The following KRT85 variants were observed in gnomAD, a reference collection of about 807,000 sequenced individuals.
KRT85 encodes the protein keratin, type II cuticular Hb5.
A neutral mutation model predicts 53.7 loss-of-function variants in KRT85; 39 were observed. The ratio of observed to expected loss-of-function variants is 0.73; its 90% CI spans 0.56 to 0.95. The LOEUF (loss-of-function observed/expected upper bound fraction) is 0.95. Among genes scored for constraint, KRT85 ranks in the 40% least tolerant of loss-of-function variants. The pLI, the probability that KRT85 is intolerant of heterozygous loss-of-function variation, is 0.00. For synonymous variants in KRT85, 291 were observed against 277.5 expected, an observed-to-expected ratio of 1.05 and a Z score of -0.48; for missense variants, 668 against 686.0, an observed-to-expected ratio of 0.97 and a Z score of 0.29.
chr12:52,365,913 G>A (rs756782772), intron 1 of KRT85, among the ~76,000 whole-genome samples: 6 of 152,114 alleles, frequency 3.9e-5, no homozygotes, highest in Admixed American at 6.5e-5. Context: ...AAGTGGAGAC[G>A]CTGATACCCA....
chr12:52,363,916 A>G, intron 4 of KRT85, 152 bp downstream of exon 4: 1 of 741,762 alleles, frequency 1.3e-6, no homozygotes, highest in Non-Finnish European at 2.4e-6. Context: ...TGGCCTCTGT[A>G]TTGTGGGCCC....
chr12:52,367,369 C>G lies in KRT85; in HGVS notation c.37G>C (p.Gly13Arg), dbSNP rs140664015. ...CAGGAGCTGAAGTTCCTGGTGACCC[C>G]GCATCCTGAGCTGATCCTGTAGGAG... ...CRSYRISSGC[G>R]VTRNFSSCSA... The change falls in exon 1 of 9, where the codon GGG (glycine) becomes CGG (arginine). Residue 13 changes from glycine (G) to arginine (R), a missense_variant. Around this residue, in one of 3 missense-constraint regions of KRT85, gnomAD observed 158 missense variants for 141.8 expected, o/e 1.11. Coordinates refer to ENST00000257901, the MANE Select transcript of KRT85 (RefSeq NM_002283.4). 727 of 1,614,098 alleles carry G rather than the reference C, an allele frequency of 4.5e-4. 8 individuals carry two copies. The highest frequency in any genetic ancestry group is 3.7e-3 in the South Asian group (338 of 91,078).
chr12:52,362,843 A>T lies in KRT85; in HGVS notation c.1077+11T>A, dbSNP rs2121400745. 6.2e-7 allele frequency: 1 copy of T among 1,614,056 alleles called. No individual in the cohort carries two copies. Among genetic ancestry groups the T allele is most frequent in the South Asian group, 1.1e-5 (1 of 91,058 alleles). ...CCTGTGCTGCGTATTTGAATCCTCC[A>T]CAGACCCCACCTGGCACTTGGCATT... On this transcript the variant is annotated intron_variant, in intron 6 of 8. Coordinates refer to ENST00000257901, the MANE Select transcript of KRT85 (RefSeq NM_002283.4).
chr12:52,363,200 C>T, intron 5 of KRT85, 46 bp downstream of exon 5: 1 of 1,611,632 alleles, frequency 6.2e-7, no homozygotes, highest in Non-Finnish European at 8.5e-7. Flanking sequence ...TGCCTAACTT[C>T]CCTCCCACTG....
intron 5 of KRT85, 105 bp downstream of exon 5, chr12:52,363,139 ACT>A (rs1939219354): frequency 6.4e-7 from 1 of 1,555,968 alleles, no homozygotes; most frequent in Non-Finnish European, 8.8e-7. Flanking sequence ...CTTTTCTCAT[ACT>A]GTCCTCATGG....
Position 52,363,263 on chromosome 12 carries a change from A to C in KRT85, c.934T>G (p.Ser312Ala), listed in dbSNP as rs1325417389. ...CCACTCACCTTGCTACGGTACCAGG[A>C]CTCAGCCTCGGCCCGGCTGCGGCTG... The part of the protein sequence containing the change: ...VASRSRAEAE[S>A]WYRSKCEEMK... Residue 312 changes from serine to alanine, a missense_variant, in exon 5 of 9, where the codon TCC (serine) becomes GCC (alanine). Physicochemically the swap from Ser to Ala is moderately conservative, Grantham distance 99. Transcript: ENST00000257901. 1 of 1,614,018 alleles carries C rather than the reference A, an allele frequency of 6.2e-7. No homozygotes were observed. Among genetic ancestry groups the C allele is most frequent in the Non-Finnish European group, 8.5e-7 (1 of 1,180,002 alleles).
chr12:52,361,383 C>CCAT, intron 8 of KRT85, 84 bp downstream of exon 8: 1 of 1,277,748 alleles, frequency 7.8e-7, no homozygotes, highest in Non-Finnish European at 1.1e-6. Flanking sequence ...GGGGAACACT[C>CCAT]GAGGCTCCAT....
chr12:52,363,532 C>T, intron 4 of KRT85, 122 bp from the exon 5 acceptor site: 1 of 1,011,404 alleles, frequency 9.9e-7, no homozygotes, highest in Non-Finnish European at 1.5e-6. Context: ...ATGACTCCTG[C>T]TCCTACCACC....
chr12:52,363,015 G>A (rs199836290), intron 5 of KRT85, 36 bp from the exon 6 acceptor site: 17 of 1,613,944 alleles, frequency 1.1e-5, no homozygotes, highest in African/African-American at 1.3e-5. Context: ...GGCTCAGGGT[G>A]GGGCCCCCCA....
At chr12:52,365,336 T>C (rs1043241878) in intron 1 of KRT85, among the ~76,000 whole-genome samples, 166 bp from the exon 2 acceptor site, 1 of 152,018 alleles carries the variant, frequency 6.6e-6, no homozygotes, top group African/African-American at 2.4e-5. Context: ...CAGTTGTGGG[T>C]GTGAGGGAAA....
chr12:52,364,440 C>A (rs1939242423), intron 2 of KRT85, 74 bp from the exon 3 acceptor site: 2 of 1,613,324 alleles, frequency 1.2e-6, no homozygotes, highest in South Asian at 1.1e-5. Flanking sequence ...TGGGCAAGTT[C>A]TTCCGGGGAT....
At position 52,367,089 on chromosome 12, in the gene KRT85, G is replaced by C; in HGVS notation, c.317C>G (p.Thr106Arg). Residue 106 changes from threonine to arginine, a missense_variant, in exon 1 of 9, where the codon ACG becomes AGG. Physicochemically the swap from Thr to Arg is moderately conservative, Grantham distance 71. This residue lies in a region of KRT85 where 22 missense variants were observed against 46.0 expected (regional missense o/e 0.48). Coordinates refer to ENST00000257901, the MANE Select transcript of KRT85 (RefSeq NM_002283.4). ...GGGGTCGATCTCCAGGTTGAGGGGC[G>C]TGAGGAGGCTCTCGTTGACCGACAC... ...TTVSVNESLL[T>R]PLNLEIDPNA... is the part of the protein sequence containing the mutation. 12 of 1,613,446 alleles carry C rather than the reference G, an allele frequency of 7.4e-6. No homozygotes were observed. Among genetic ancestry groups the C allele is most frequent in the Non-Finnish European group, 1.0e-5 (12 of 1,179,932 alleles).
Position 52,363,332 on chromosome 12 carries a change from C to T in KRT85, c.865G>A (p.Asp289Asn). The change falls in exon 5 of 9, where the codon GAC becomes AAC. Residue 289 changes from aspartate (D) to asparagine (N), a missense_variant. Physicochemically the swap from Asp to Asn is conservative, Grantham distance 23. Around this residue, in one of 3 missense-constraint regions of KRT85, gnomAD observed 488 missense variants for 498.1 expected, o/e 0.98. Transcript: ENST00000257901. The stretch of plus-strand genomic sequence containing the variant: ...GCCTTGATCTCAGCGATGATGCAGT[C>T]CATGTTCAGGTCTCGGCTGTTGTCC... ...KMDNSRDLNMDCIIAEIKAQY... is the reference protein window; with the variant it reads ...KMDNSRDLNMNCIIAEIKAQY... The T allele has an allele frequency of 6.2e-7, 1 of 1,614,180 alleles. No individual in the cohort carries two copies. Among genetic ancestry groups the T allele is most frequent in the Non-Finnish European group, 8.5e-7 (1 of 1,180,028 alleles).
At position 52,363,932 on chromosome 12, in the gene KRT85, C is replaced by A. The variant is rs1051581580; in HGVS notation, c.786+136G>T. 1.0e-5 allele frequency: 8 copies of A among 785,202 alleles called. No homozygotes were observed. The African/African-American group carries it at 1.2e-4, about 12-fold the overall frequency. The allele number at this position is 785,202 out of a possible 1,614,324, so 48.6% of individuals were successfully genotyped here. On this transcript the variant is annotated intron_variant, in intron 4 of 8. Coordinates refer to ENST00000257901, the MANE Select transcript of KRT85 (RefSeq NM_002283.4). ...GGCCTCTGTATTGTGGGCCCCAGCA[C>A]GTATGTGCAAGCTCTTTTCACACTT... is the stretch of plus-strand genomic sequence containing the variant.
At position 52,360,305 on chromosome 12, in the gene KRT85, G is replaced by A. The variant is rs374010832; in HGVS notation, c.*548C>T. 1 of 176,502 alleles carries A rather than the reference G, an allele frequency of 5.7e-6. No individual in the cohort carries two copies. The highest frequency in any genetic ancestry group is 2.4e-5 in the African/African-American group (1 of 41,840). 10.9% of individuals were successfully genotyped at this position (176,502 alleles called of 1,614,324 possible). On this transcript the variant is annotated 3_prime_UTR_variant, in exon 9 of 9. Coordinates refer to ENST00000257901, the MANE Select transcript of KRT85 (RefSeq NM_002283.4). ...TCTCAACTGCGAGGTCACATGAGGA[G>A]CCTGGCTGGAACAGGTTAGCCCAGA...
Position 52,362,924 on chromosome 12 carries a change from T to C in KRT85, c.1007A>G (p.Lys336Arg). The C allele has an allele frequency of 6.2e-7, 1 of 1,614,126 alleles. No homozygotes were observed. The highest frequency in any genetic ancestry group is 8.5e-7 in the Non-Finnish European group (1 of 1,180,010). ...GCGGTTCAGCTCGTTGATCTCCTCC[T>C]TGGTGCGGCGCAGGGTCTCCCCATG... ...IRHGETLRRT[K>R]EEINELNRMI... is the part of the protein sequence containing the mutation. The change falls in exon 6 of 9, where the codon AAG (lysine) becomes AGG (arginine). Residue 336 changes from lysine to arginine, a missense_variant. Physicochemically the swap from Lys to Arg is conservative, Grantham distance 26 (BLOSUM62 2). Around this residue, in one of 3 missense-constraint regions of KRT85, gnomAD observed 488 missense variants for 498.1 expected, o/e 0.98. Coordinates refer to ENST00000257901, the MANE Select transcript of KRT85 (RefSeq NM_002283.4).
chr12:52,364,131 G>T lies in KRT85; in HGVS notation c.723C>A (p.Asp241Glu), dbSNP rs748039802. Residue 241 changes from aspartate to glutamate, a missense_variant, in exon 4 of 9, where the codon GAC becomes GAA. By Grantham distance (45) the Asp-to-Glu change is conservative. Coordinates refer to ENST00000257901, the MANE Select transcript of KRT85 (RefSeq NM_002283.4). Reference sequence around the variant, plus strand: ...CCAGGGCCTCCACATTGGCCTCCAGGTCTGATTTCCGCAGGTAGGCACAGT... The same window carrying T: ...CCAGGGCCTCCACATTGGCCTCCAGTTCTGATTTCCGCAGGTAGGCACAGT... ...DVDCAYLRKS[D>E]LEANVEALVE... 3.1e-6 allele frequency: 5 copies of T among 1,614,054 alleles called. No homozygotes were observed. In the Admixed American group the frequency reaches 5.0e-5, roughly 16 times the overall value.
intron 2 of KRT85, chr12:52,364,699 G>A: frequency 7.0e-7 from 1 of 1,424,888 alleles, no homozygotes; most frequent in Non-Finnish European, 9.2e-7. Context: ...AAGCTGTGAA[G>A]GACAGGGACA....
chr12:52,364,408 C>T, intron 2 of KRT85, 42 bp from the exon 3 acceptor site: 1 of 1,614,124 alleles, frequency 6.2e-7, no homozygotes, highest in Non-Finnish European at 8.5e-7. Context: ...AGAAACTGGA[C>T]CTTGAATACC....
Sources: gnomAD v4.1 joint callset for allele counts (sites outside exome capture counted in the v4.1 genomes callset) on GRCh38, gnomAD v4.1.1 for gene constraint, gnomAD v4.1.1 regional missense constraint, MANE v1.5 for transcripts, NCBI Gene and HGNC (gene_info 2026-07-23, HGNC 2026-07-21) for gene names.